The following WDR75 variants were observed in gnomAD, a reference collection of about 807,000 sequenced individuals.
WDR75 encodes the protein WD repeat domain 75, also known as WD repeat-containing protein 75.
A neutral mutation model predicts 106.1 loss-of-function variants in WDR75; 52 were observed. That is an observed-to-expected ratio of 0.49 (90% CI 0.39 to 0.62). The LOEUF is 0.62. Ranked by LOEUF, WDR75 falls within the 20% of genes least tolerant of loss-of-function variation. The pLI is 0.00. For synonymous variants in WDR75, 333 were observed against 335.5 expected (o/e 0.99, Z 0.08); for missense variants, 905 against 970.3 (o/e 0.93, Z 0.89).
intron 1 of WDR75, among the ~76,000 whole-genome samples, chr2:189,441,932 G>C (rs1271881121): frequency 6.6e-6 from 1 of 152,154 alleles, no homozygotes; most frequent in Non-Finnish European, 1.5e-5. Context: ...TCATGTTTTG[G>C]AGTGACTAAA....
At chr2:189,464,614 A>T (rs937344028) in intron 11 of WDR75, among the ~76,000 whole-genome samples, 3 of 151,992 alleles carry the variant, frequency 2.0e-5, no homozygotes, top group Non-Finnish European at 4.4e-5. Context: ...AGGAAATGGG[A>T]TTTTTTTTAA....
chr2:189,449,134 A>C, intron 2 of WDR75: 1 of 682,588 alleles, frequency 1.5e-6, no homozygotes, highest in Non-Finnish European at 2.2e-6. Context: ...AGAATAATGA[A>C]ATGGTCATGT....
chr2:189,474,246 C>G lies in WDR75; in HGVS notation c.2110C>G (p.Gln704Glu). ...TTATTTCATATTGGGAAAACACAGG[C>G]AACAGCAGGATGAAAAACTAAACGA... ...PFYFILGKHR[Q>E]QQDEKLNETL... Residue 704 changes from glutamine to glutamate, a missense_variant, in exon 19 of 21, where the codon CAA becomes GAA. Transcript: ENST00000314761. 1 of 1,613,856 alleles carries G rather than the reference C, an allele frequency of 6.2e-7. No homozygotes were observed. Among genetic ancestry groups the G allele is most frequent in the Non-Finnish European group, 8.5e-7 (1 of 1,179,862 alleles).
intron 11 of WDR75, among the ~76,000 whole-genome samples, chr2:189,464,449 A>G (rs1261878644): frequency 6.6e-6 from 1 of 152,084 alleles, no homozygotes; most frequent in Non-Finnish European, 1.5e-5. Context: ...CTGTCATAGC[A>G]ACTGTGACAC....
chr2:189,459,819 A>G (rs1686823582), intron 8 of WDR75, among the ~76,000 whole-genome samples: 1 of 152,180 alleles, frequency 6.6e-6, no homozygotes, highest in Non-Finnish European at 1.5e-5. Context: ...CATTATACTC[A>G]TTTTACAGAT....
chr2:189,464,142 C>T, intron 11 of WDR75, 181 bp downstream of exon 11: 1 of 604,716 alleles, frequency 1.7e-6, no homozygotes, highest in Non-Finnish European at 2.9e-6. Flanking sequence ...GCCACAGTTG[C>T]AGGTTACATG....
chr2:189,475,177 T>G (rs1453140117), intron 20 of WDR75, 36 bp from the exon 21 acceptor site: 1 of 1,458,014 alleles, frequency 6.9e-7, no homozygotes, highest in Non-Finnish European at 9.4e-7. Context: ...TAGAAACATT[T>G]AATAGTGTTT....
chr2:189,467,357 A>G, intron 13 of WDR75, 111 bp from the exon 14 acceptor site: 1 of 1,131,826 alleles, frequency 8.8e-7, no homozygotes, highest in African/African-American at 1.6e-5. Context: ...GACCCCTAGG[A>G]ACTGAAACCA....
intron 14 of WDR75, 99 bp downstream of exon 14, chr2:189,467,747 T>G: frequency 7.1e-6 from 8 of 1,131,482 alleles, no homozygotes; most frequent in Non-Finnish European, 9.5e-6. Flanking sequence ...AAAAGTAGCC[T>G]GAAGGTCAGT....
At chr2:189,447,971 C>A (rs1686536587) in intron 1 of WDR75, among the ~76,000 whole-genome samples, 1 of 152,146 alleles carries the variant, frequency 6.6e-6, no homozygotes, top group Admixed American at 6.5e-5. Context: ...GGGGCAGTTT[C>A]CCCTATACTG....
Position 189,462,612 on chromosome 2 carries a change from GATTT to G in WDR75, c.911_914del (p.Leu304SerfsTer10). 6.2e-7 allele frequency: 1 copy of G among 1,613,874 alleles called. No homozygotes were observed. The highest frequency in any genetic ancestry group is 8.5e-7 in the Non-Finnish European group (1 of 1,179,902). On this transcript the variant is annotated frameshift_variant, in exon 9 of 21. Coordinates refer to ENST00000314761, the MANE Select transcript of WDR75 (RefSeq NM_032168.3). LOFTEE classifies it high-confidence loss of function. ...ACATATCTCAGTCTCGCCTGCAGGAGATTTATTCTGCACTTCTCACTCTGATAAT... is the reference window on the plus strand; with the variant it reads ...ACATATCTCAGTCTCGCCTGCAGGAGATTCTGCACTTCTCACTCTGATAAT...
chr2:189,474,619 C>A (rs964664167), intron 19 of WDR75, 98 bp from the exon 20 acceptor site: 6 of 1,063,748 alleles, frequency 5.6e-6, no homozygotes, highest in South Asian at 1.4e-5. Flanking sequence ...TCACTCTTGG[C>A]ATTTACAATA....
intron 11 of WDR75, among the ~76,000 whole-genome samples, chr2:189,464,718 T>G (rs1686965440): frequency 6.6e-6 from 1 of 152,044 alleles, no homozygotes; most frequent in Non-Finnish European, 1.5e-5. Flanking sequence ...TTGTTTCTGT[T>G]GACAGAGAAT....
chr2:189,474,350 C>T lies in WDR75; in HGVS notation c.2196+18C>T. Reference sequence around the variant, plus strand: ...TTAGTGAGGTAAGTAATTATGAAAACCATGTGAAACAGATTAAATGCACTT... The same window carrying T: ...TTAGTGAGGTAAGTAATTATGAAAATCATGTGAAACAGATTAAATGCACTT... On this transcript the variant is annotated intron_variant, in intron 19 of 20. Transcript: ENST00000314761. The T allele has an allele frequency of 6.3e-7, 1 of 1,594,074 alleles. No individual in the cohort carries two copies. The highest frequency in any genetic ancestry group is 8.5e-7 in the Non-Finnish European group (1 of 1,173,138).
chr2:189,464,060 G>A (rs1686952835), intron 11 of WDR75, 99 bp downstream of exon 11: 1 of 979,284 alleles, frequency 1.0e-6, no homozygotes, highest in Non-Finnish European at 1.5e-6. Flanking sequence ...AAGATCCTGT[G>A]CATATGTTTA....
At chr2:189,461,823 A>G (rs144775951) in intron 8 of WDR75, among the ~76,000 whole-genome samples, 1,868 of 152,298 alleles carry the variant, frequency 0.012, 24 homozygotes, top group Non-Finnish European at 0.018. Flanking sequence ...AAAGTTTTCA[A>G]TAGTTTAACT....
chr2:189,463,716 C>A lies in WDR75; in HGVS notation c.960C>A (p.Asn320Lys). Reference protein sequence around the residue: ...SDNKIIIIHRNLEASAVIQGL... With the variant: ...SDNKIIIIHRKLEASAVIQGL... ...CAGAGATAATAATTATTCACCGAAA[C>A]CTTGAAGCATCCGCAGTAATTCAAG... is the stretch of plus-strand genomic sequence containing the variant. The change falls in exon 10 of 21, where the codon AAC becomes AAA. Residue 320 changes from asparagine to lysine, a missense_variant. Coordinates refer to ENST00000314761, the MANE Select transcript of WDR75 (RefSeq NM_032168.3). 1 of 1,613,748 alleles carries A rather than the reference C, an allele frequency of 6.2e-7. No homozygotes were observed. Among genetic ancestry groups the A allele is most frequent in the Non-Finnish European group, 8.5e-7 (1 of 1,179,774 alleles).
In WDR75 at chr2:189,474,791, G is replaced by A. The variant is rs893521031; in HGVS notation, c.2271G>A (p.Leu757=). 2 of 1,613,936 alleles carry A rather than the reference G, an allele frequency of 1.2e-6. No homozygotes were observed. The highest frequency in any genetic ancestry group is 1.7e-6 in the Non-Finnish European group (2 of 1,179,844). The change falls in exon 20 of 21, where the codon CTG becomes CTA. Residue 757 remains leucine, a synonymous_variant. Transcript: ENST00000314761. Reference sequence around the variant, plus strand: ...CCATGTTTGTAAATTCATTGCTGCTGTCTAAAGAGACTAAGAGGTAAAGCA... The same window carrying A: ...CCATGTTTGTAAATTCATTGCTGCTATCTAAAGAGACTAAGAGGTAAAGCA... ...LCSMFVNSLL[L]SKETKSAKEI...
At chr2:189,465,332 A>C in intron 12 of WDR75, 78 bp downstream of exon 12, 1 of 1,406,734 alleles carries the variant, frequency 7.1e-7, no homozygotes, top group Non-Finnish European at 9.5e-7. Context: ...AATTGTCTTT[A>C]AGATGTTTCA....
Sources: gnomAD v4.1 joint callset for allele counts (sites outside exome capture counted in the v4.1 genomes callset) on GRCh38, gnomAD v4.1.1 for gene constraint, MANE v1.5 for transcripts, NCBI Gene and HGNC (gene_info 2026-07-23, HGNC 2026-07-21) for gene names.